TTN: variants seen among roughly 807,000 people sequenced by gnomAD.
The protein encoded by TTN is titin.
Under a neutral mutation model 3,223.0 loss-of-function variants are expected in TTN, and 1,525 were observed. The observed-to-expected ratio is 0.47, with a 90% CI of 0.45 to 0.49. TTN has a LOEUF of 0.49. TTN is among the 20% of genes least tolerant of loss of function. The pLI is 0.00. For missense variants in TTN, 40,786 were observed against 43,424.0 expected (o/e 0.94, Z 5.40); for synonymous variants, 14,094 against 15,161.0 (o/e 0.93, Z 5.17).
chr2:178,627,041 T>TAAGA (rs1226028910), intron 240 of TTN, among the ~76,000 whole-genome samples: 5 of 151,932 alleles, frequency 3.3e-5, no homozygotes, highest in Non-Finnish European at 7.4e-5. Context: ...CAGTAGATTG[T>TAAGA]AAGAATAATG....
At chr2:178,641,959 CAT>C (rs2061293977) in intron 219 of TTN, among the ~76,000 whole-genome samples, 1 of 151,446 alleles carries the variant, frequency 6.6e-6, no homozygotes, top group African/African-American at 2.4e-5. Flanking sequence ...AAATGGCAGT[CAT>C]AGTTGTTGTT....
In TTN at chr2:178,753,118, C is replaced by T; in HGVS notation, c.11311+6G>A. Reference sequence around the variant, plus strand: ...TACTTAAATCTCACATCCATTATAACAATACCTTTCATTTCCATCTCAATC... The same window carrying T: ...TACTTAAATCTCACATCCATTATAATAATACCTTTCATTTCCATCTCAATC... On this transcript the variant is annotated splice_donor_region_variant and intron_variant, in intron 47 of 362. Transcript: ENST00000589042. 6.2e-7 allele frequency: 1 copy of T among 1,607,446 alleles called. No individual in the cohort carries two copies. Among genetic ancestry groups the T allele is most frequent in the South Asian group, 1.1e-5 (1 of 90,528 alleles).
chr2:178,595,240 C>T (rs1252895589), intron 295 of TTN, among the ~76,000 whole-genome samples: 1 of 151,562 alleles, frequency 6.6e-6, no homozygotes, highest in African/African-American at 2.4e-5. Flanking sequence ...CACTATACTC[C>T]AGCCTCGGTA....
In TTN at chr2:178,675,114, C is replaced by T; in HGVS notation, c.34538-1G>A. The stretch of plus-strand genomic sequence containing the variant: ...TCCACCTTCTTAGGCACCTCAGGAA[C>T]TTGAGAGACATTGATTATTTTAGAC... On this transcript the variant is annotated splice_acceptor_variant, in intron 149 of 362. Coordinates refer to ENST00000589042, the MANE Select transcript of TTN (RefSeq NM_001267550.2). LOFTEE classifies it high-confidence loss of function. 2 of 1,552,112 alleles carry T rather than the reference C, an allele frequency of 1.3e-6. No individual in the cohort carries two copies. Among genetic ancestry groups the T allele is most frequent in the Non-Finnish European group, 1.7e-6 (2 of 1,154,872 alleles).
In TTN at chr2:178,555,087, C is replaced by G. The variant is rs1575553466; in HGVS notation, c.88372G>C (p.Val29458Leu). The change falls in exon 331 of 363, where the codon GTG (valine) becomes CTG (leucine). Residue 29458 changes from valine (V) to leucine (L), a missense_variant. Physicochemically the swap from Val to Leu is conservative, Grantham distance 32 (BLOSUM62 1). Coordinates refer to ENST00000589042, the MANE Select transcript of TTN (RefSeq NM_001267550.2). The stretch of plus-strand genomic sequence containing the variant: ...CCAGAAATGCCAGCTCTGAGCTTCA[C>G]AGATGTACCTGCTCTGTATTTGACA... ...EVVKYRAGTSVKLRAGISGKP... is the reference protein window; with the variant it reads ...EVVKYRAGTSLKLRAGISGKP... 1.9e-6 allele frequency: 3 copies of G among 1,613,808 alleles called. No homozygotes were observed.
Position 178,783,097 on chromosome 2 carries a change from G to A in TTN, c.2842-33C>T, listed in dbSNP as rs72647864. On this transcript the variant is annotated intron_variant, in intron 17 of 362. Coordinates refer to ENST00000589042, the MANE Select transcript of TTN (RefSeq NM_001267550.2). ...GAGGAGAAAAAATAAATAATGATACGTGTGCATATTCATTAATCACTTCTG... is the reference window on the plus strand; with the variant it reads ...GAGGAGAAAAAATAAATAATGATACATGTGCATATTCATTAATCACTTCTG... The A allele has an allele frequency of 0.034, 54,822 of 1,605,336 alleles. 1,099 individuals are homozygous for A. The highest frequency in any genetic ancestry group is 0.055 in the Admixed American group (3,279 of 59,998).
chr2:178,641,361 A>G (rs1015401317), intron 219 of TTN, 46 bp from the exon 220 acceptor site: 11 of 1,118,758 alleles, frequency 9.8e-6, no homozygotes, highest in African/African-American at 3.3e-5. Flanking sequence ...CAAACTAATG[A>G]AGATGTTGAA....
chr2:178,588,167 G>A lies in TTN; in HGVS notation c.63240C>T (p.Ser21080=). The part of the protein sequence containing the change: ...NFRVVDTTKH[S]ITLGWGKPVY... ...CTGGTTTTCCCCACCCAAGAGTTAT[G>A]GAATGTTTGGTTGTATCAACCACTC... The change falls in exon 305 of 363, where the codon TCC becomes TCT. Residue 21080 remains serine, a synonymous_variant. Coordinates refer to ENST00000589042, the MANE Select transcript of TTN (RefSeq NM_001267550.2). 6.2e-7 allele frequency: 1 copy of A among 1,604,492 alleles called. No individual in the cohort carries two copies. The highest frequency in any genetic ancestry group is 1.7e-5 in the Admixed American group (1 of 59,756).
chr2:178,719,118 T>A (rs1452363237), intron 83 of TTN, 46 bp downstream of exon 83: 3 of 1,573,026 alleles, frequency 1.9e-6, no homozygotes, highest in African/African-American at 1.4e-5. Flanking sequence ...CACGTCCACA[T>A]GAAAGAGGTG....
At chr2:178,625,190 T>C (rs1457803463) in intron 241 of TTN, 83 bp downstream of exon 241, 2 of 1,479,868 alleles carry the variant, frequency 1.4e-6, no homozygotes, top group Non-Finnish European at 1.8e-6. Flanking sequence ...TCTATAGTAC[T>C]CATCATATAA....
At chr2:178,646,377 T>C (rs571129415) in intron 216 of TTN, 108 bp downstream of exon 216, 60 of 683,176 alleles carry the variant, frequency 8.8e-5, no homozygotes, top group African/African-American at 8.3e-4. Context: ...AAGAATACTT[T>C]ACATACAAAT....
rs766500032 is a variant in TTN, at chr2:178,531,381, A to G, written c.105234T>C (p.Ser35078=). ...KKTSEMEASS[S]VREVKSQMTE... is the part of the protein sequence containing the mutation. ...TCATCTGTGATTTCACTTCCCTGAC[A>G]GAAGACGAAGCTTCCATCTCAGATG... Residue 35078 remains serine, a synonymous_variant, in exon 358 of 363, where the codon TCT becomes TCC. Coordinates refer to ENST00000589042, the MANE Select transcript of TTN (RefSeq NM_001267550.2). The G allele has an allele frequency of 1.4e-5, 23 of 1,613,954 alleles. No homozygotes were observed. Among genetic ancestry groups the G allele is most frequent in the Non-Finnish European group, 1.9e-5 (23 of 1,179,916 alleles).
chr2:178,709,451 T>C, intron 99 of TTN, 115 bp downstream of exon 99: 5 of 1,046,370 alleles, frequency 4.8e-6, no homozygotes, highest in East Asian at 2.6e-5. Context: ...AGTTAAATAA[T>C]GTGTATTTAT....
rs1206497096 is a variant in TTN, at chr2:178,550,760, A to G, written c.91564+207T>C. ...TTCCCACTTGCTGCATGCTCTTTAT[A>G]TGGGAATGGAGTGAAATAATAGAAA... On this transcript the variant is annotated intron_variant, in intron 336 of 362. Coordinates refer to ENST00000589042, the MANE Select transcript of TTN (RefSeq NM_001267550.2). 9 of 575,510 alleles carry G rather than the reference A, an allele frequency of 1.6e-5. No individual in the cohort carries two copies. In the African/African-American group the frequency reaches 1.7e-4, roughly 11 times the overall value. 35.7% of individuals were successfully genotyped at this position (575,510 alleles called of 1,614,324 possible).
chr2:178,635,087 C>CGAATCTAG, intron 228 of TTN, 78 bp downstream of exon 228: 1 of 1,569,144 alleles, frequency 6.4e-7, no homozygotes, highest in Admixed American at 2.0e-5. Flanking sequence ...TAAAGCAACC[C>CGAATCTAG]GAATCTAGGA....
Position 178,740,111 on chromosome 2 carries a change from T to G in TTN, c.13122A>C (p.Gly4374=), listed in dbSNP as rs775547592. 1.9e-6 allele frequency: 3 copies of G among 1,613,910 alleles called. No homozygotes were observed. In the South Asian group the frequency reaches 3.3e-5, roughly 18 times the overall value. The change falls in exon 48 of 363, where the codon GGA becomes GGC. Residue 4374 remains glycine (G), a synonymous_variant. Coordinates refer to ENST00000589042, the MANE Select transcript of TTN (RefSeq NM_001267550.2). ...VAIKKVQEVQ[G]RDLLSKESLL... Reference sequence around the variant, plus strand: ...AGCTTTCCTTAGAAAGAAGGTCCCTTCCCTGTACCTCCTGCACTTTCTTTA... The same window carrying G: ...AGCTTTCCTTAGAAAGAAGGTCCCTGCCCTGTACCTCCTGCACTTTCTTTA...
rs775884428 is a variant in TTN, at chr2:178,619,710, A to T, written c.46607T>A (p.Leu15536Gln). 13 of 1,612,384 alleles carry T rather than the reference A, an allele frequency of 8.1e-6. No individual in the cohort carries two copies. In the South Asian group the frequency reaches 1.3e-4, roughly 16 times the overall value. The change falls in exon 250 of 363, where the codon CTA (leucine) becomes CAA (glutamine). Residue 15536 changes from leucine (L) to glutamine (Q), a missense_variant. By Grantham distance (113) the Leu-to-Gln change is moderately radical. Coordinates refer to ENST00000589042, the MANE Select transcript of TTN (RefSeq NM_001267550.2). ...ACGGGGCTTAATATCACAAATCTGT[A>T]GTCGATGTATCTTTCCTTCACTCAT... ...QMMSEGKIHR[L>Q]QICDIKPRDQ...
At chr2:178,784,713 T>A (rs1367945287) in intron 15 of TTN, among the ~76,000 whole-genome samples, 5 of 152,184 alleles carry the variant, frequency 3.3e-5, no homozygotes, top group African/African-American at 1.2e-4. Flanking sequence ...GATTCAAAAT[T>A]AAGAAATTAT....
Position 178,710,701 on chromosome 2 carries a change from G to T in TTN, c.28396C>A (p.Gln9466Lys). The change falls in exon 98 of 363, where the codon CAA becomes AAA. Residue 9466 changes from glutamine to lysine, a missense_variant. Gln to Lys is a moderately conservative substitution (Grantham distance 53). Transcript: ENST00000589042. ...TCATTCACAGCATAGCAGGTATATT[G>T]TCCAGAATCTCCTTTGTCTACTTTG... ...VLKVDKGDSG[Q>K]YTCYAVNEVG... 2 of 1,613,552 alleles carry T rather than the reference G, an allele frequency of 1.2e-6. No individual in the cohort carries two copies. The highest frequency in any genetic ancestry group is 8.5e-7 in the Non-Finnish European group (1 of 1,179,820).
Sources: gnomAD v4.1 joint callset for allele counts (sites outside exome capture counted in the v4.1 genomes callset) on GRCh38, gnomAD v4.1.1 for gene constraint, MANE v1.5 for transcripts, NCBI Gene and HGNC (gene_info 2026-07-23, HGNC 2026-07-21) for gene names.